Variants in SHLD1 observed in about 807,000 individuals in gnomAD.
SHLD1 encodes RINN1-REV7-interacting novel NHEJ regulator 3.
SHLD1 carries 3 observed loss-of-function variants against 5.5 expected under a neutral mutation model. The ratio of observed to expected loss-of-function variants is 0.54; its 90% CI spans 0.25 to 1.40. The LOEUF (loss-of-function observed/expected upper bound fraction) is 1.40, where lower values mean the gene tolerates loss of function less well. Ranked by LOEUF, SHLD1 falls within the 40% of genes most tolerant of loss-of-function variation. SHLD1 has a pLI of 0.15. For synonymous variants in SHLD1, 92 were observed against 94.3 expected (o/e 0.98, Z 0.14); for missense variants, 210 against 244.4 (o/e 0.86, Z 0.94).
intron 2 of SHLD1, among the ~76,000 whole-genome samples, chr20:5,819,108 C>T (rs1347767377): frequency 2.0e-5 from 3 of 151,980 alleles, no homozygotes; most frequent in Admixed American, 1.3e-4. Flanking sequence ...GTGATCTGCC[C>T]GCCTCAGCCT....
chr20:5,781,921 C>T (rs560310796), intron 2 of SHLD1, among the ~76,000 whole-genome samples: 38 of 152,146 alleles, frequency 2.5e-4, no homozygotes, highest in Non-Finnish European at 4.9e-4. Context: ...TTTCAACAAC[C>T]GGCACGACTG....
intron 2 of SHLD1, among the ~76,000 whole-genome samples, chr20:5,831,446 A>AAT (rs1214143624): frequency 2.0e-5 from 3 of 152,138 alleles, no homozygotes; most frequent in Admixed American, 6.5e-5. Context: ...ATTTCTTTTG[A>AAT]ATATTCCTTG....
At chr20:5,799,603 C>T (rs528355180) in intron 2 of SHLD1, among the ~76,000 whole-genome samples, 13 of 151,772 alleles carry the variant, frequency 8.6e-5, no homozygotes, top group Non-Finnish European at 1.2e-4. Flanking sequence ...TGTGAGCCAC[C>T]GCGCCCAGCC....
chr20:5,755,310 C>T (rs1240222610), intron 1 of SHLD1, among the ~76,000 whole-genome samples: 1 of 152,174 alleles, frequency 6.6e-6, no homozygotes, highest in African/African-American at 2.4e-5. Context: ...TGAGCTCTGC[C>T]TCCTGTTACA....
intron 2 of SHLD1, among the ~76,000 whole-genome samples, chr20:5,837,055 C>T (rs1279894456): frequency 6.6e-6 from 1 of 152,118 alleles, no homozygotes; most frequent in Non-Finnish European, 1.5e-5. Flanking sequence ...AGGTCAGCAG[C>T]TATGGAGCAA....
At chr20:5,808,971 C>T (rs2087421581) in intron 2 of SHLD1, among the ~76,000 whole-genome samples, 1 of 150,814 alleles carries the variant, frequency 6.6e-6, no homozygotes, top group African/African-American at 2.5e-5. Context: ...ATTAATATGC[C>T]ATGAAGGAAT....
chr20:5,771,493 G>A (rs972964205), intron 1 of SHLD1, among the ~76,000 whole-genome samples: 9 of 152,066 alleles, frequency 5.9e-5, no homozygotes, highest in African/African-American at 1.9e-4. Context: ...CTTTGTGTAG[G>A]TTCTGTGCTT....
intron 2 of SHLD1, among the ~76,000 whole-genome samples, chr20:5,860,277 T>C (rs7352682): frequency 0.15 from 22,586 of 152,216 alleles, 1,848 homozygotes; most frequent in Non-Finnish European, 0.19. Flanking sequence ...CTTATTTGGT[T>C]GCTTGATATT....
At chr20:5,854,379 C>T (rs967526162) in intron 2 of SHLD1, among the ~76,000 whole-genome samples, 4 of 152,148 alleles carry the variant, frequency 2.6e-5, no homozygotes, top group African/African-American at 9.7e-5. Flanking sequence ...AACTCCTGAA[C>T]TCACGTGATT....
intron 2 of SHLD1, among the ~76,000 whole-genome samples, chr20:5,776,440 T>C (rs1198711672): frequency 6.6e-6 from 1 of 152,114 alleles, no homozygotes; most frequent in African/African-American, 2.4e-5. Flanking sequence ...AGGGCACTAA[T>C]GCCATCATGA....
At chr20:5,852,397 T>TCCTTCCTTCCTTTCCCTC (rs2088022146) in intron 2 of SHLD1, among the ~76,000 whole-genome samples, 1 of 151,256 alleles carries the variant, frequency 6.6e-6, no homozygotes, top group Non-Finnish European at 1.5e-5. Flanking sequence ...CACCTTCCTT[T>TCCTTCCTTCCTTTCCCTC]CCTTCCTTCC....
intron 2 of SHLD1, among the ~76,000 whole-genome samples, chr20:5,816,440 T>C (rs2087531639): frequency 6.6e-6 from 1 of 152,176 alleles, no homozygotes. Context: ...GCTGAATGAA[T>C]AAATTTGGGT....
intron 2 of SHLD1, among the ~76,000 whole-genome samples, chr20:5,785,172 T>G (rs887138918): frequency 6.6e-6 from 1 of 152,232 alleles, no homozygotes; most frequent in African/African-American, 2.4e-5. Flanking sequence ...GTTTCATTCA[T>G]TGTTATGTAT....
chr20:5,859,259 C>T (rs2088129163), intron 2 of SHLD1, among the ~76,000 whole-genome samples: 2 of 152,138 alleles, frequency 1.3e-5, no homozygotes, highest in South Asian at 4.2e-4. Flanking sequence ...CTTTCAAGAT[C>T]CATCCTTTGA....
chr20:5,797,133 A>G (rs2087225006), intron 2 of SHLD1, among the ~76,000 whole-genome samples: 1 of 152,244 alleles, frequency 6.6e-6, no homozygotes, highest in Non-Finnish European at 1.5e-5. Flanking sequence ...GATTTTAAAA[A>G]TTTAAAACTA....
chr20:5,785,993 G>A (rs1208401625), intron 2 of SHLD1, among the ~76,000 whole-genome samples: 1 of 152,076 alleles, frequency 6.6e-6, no homozygotes, highest in East Asian at 1.9e-4. Context: ...TGTTGTGGAA[G>A]AAGCTTGAAC....
intron 2 of SHLD1, among the ~76,000 whole-genome samples, chr20:5,796,627 G>A (rs2087216366): frequency 1.3e-5 from 2 of 151,876 alleles, no homozygotes; most frequent in Non-Finnish European, 2.9e-5. Flanking sequence ...AGGAGTTTGA[G>A]ACCAGCCTGG....
intron 2 of SHLD1, among the ~76,000 whole-genome samples, chr20:5,807,047 C>A (rs6139838): frequency 6.6e-6 from 1 of 152,246 alleles, no homozygotes; most frequent in Non-Finnish European, 1.5e-5. Flanking sequence ...CCACTGCTTT[C>A]AGCTGGAGCC....
chr20:5,751,424 A>G (rs1199648138), intron 1 of SHLD1, among the ~76,000 whole-genome samples: 1 of 151,990 alleles, frequency 6.6e-6, no homozygotes, highest in Non-Finnish European at 1.5e-5. Context: ...CTCCTGCCTG[A>G]GCCTCCCGAG....
Sources: allele counts gnomAD v4.1 joint callset (sites outside exome capture counted in the v4.1 genomes callset), GRCh38; gene constraint gnomAD v4.1.1; transcripts MANE v1.5; gene names NCBI Gene and HGNC (gene_info 2026-07-23, HGNC 2026-07-21).